The following TDRD3 variants were observed in gnomAD, a reference collection of about 807,000 sequenced individuals.
The protein encoded by TDRD3 is tudor domain containing 3.
Under a neutral mutation model 86.7 loss-of-function variants are expected in TDRD3, and 45 were observed. The observed-to-expected ratio is 0.52, with a 90% CI of 0.41 to 0.67. The LOEUF (loss-of-function observed/expected upper bound fraction) is 0.67, where lower values mean the gene tolerates loss of function less well. Ranked by LOEUF, TDRD3 falls within the 30% of genes least tolerant of loss-of-function variation. TDRD3 has a pLI of 0.00. For missense variants in TDRD3, 814 were observed against 889.0 expected, an observed-to-expected ratio of 0.92 and a Z score of 1.07; for synonymous variants, 298 against 301.7, an observed-to-expected ratio of 0.99 and a Z score of 0.13.
At chr13:60,405,676 A>C (rs1057194866) in intron 1 of TDRD3, among the ~76,000 whole-genome samples, 2 of 152,156 alleles carry the variant, frequency 1.3e-5, no homozygotes, top group African/African-American at 2.4e-5. Flanking sequence ...TGGAATTAGG[A>C]GCTACCTAGG....
intron 10 of TDRD3, among the ~76,000 whole-genome samples, chr13:60,521,174 A>C (rs1248136047): frequency 7.9e-5 from 12 of 152,224 alleles, no homozygotes; most frequent in Admixed American, 7.9e-4. Flanking sequence ...GCTTTGCTGC[A>C]AACTTCTCCT....
rs1189704851 is a variant in TDRD3, at chr13:60,524,514, AAAAT to A, written c.1142-3837_1142-3834del. The stretch of plus-strand genomic sequence containing the variant: ...AGAGTGAGGCTCCATCTCAAAAAAA[AAAAT>A]AAATAAATAAATAAAAAAAGAGAAA... On this transcript the variant is annotated intron_variant, in intron 10 of 13. Transcript: ENST00000377881. Among the ~76,000 whole-genome samples the A allele has an allele frequency of 1.1e-4, 17 of 151,828 alleles. No individual in the cohort carries two copies. In the East Asian group the frequency reaches 2.7e-3, roughly 24 times the overall value.
chr13:60,437,418 G>A (rs1433088467), intron 1 of TDRD3, among the ~76,000 whole-genome samples: 1 of 151,890 alleles, frequency 6.6e-6, no homozygotes, highest in East Asian at 1.9e-4. Flanking sequence ...GAGCCACTGT[G>A]CCCAGCTGAA....
intron 3 of TDRD3, among the ~76,000 whole-genome samples, chr13:60,447,115 C>T (rs1395544819): frequency 1.3e-5 from 2 of 152,130 alleles, no homozygotes; most frequent in Non-Finnish European, 2.9e-5. Context: ...AAAGAAAGAG[C>T]TGGGTTATCC....
chr13:60,521,051 A>G (rs1284277635), intron 10 of TDRD3, among the ~76,000 whole-genome samples: 1 of 152,246 alleles, frequency 6.6e-6, no homozygotes, highest in East Asian at 1.9e-4. Context: ...ATTTGGTCTC[A>G]AGCTCAGTGT....
At chr13:60,554,775 G>A (rs1013652221) in intron 12 of TDRD3, among the ~76,000 whole-genome samples, 16 of 152,142 alleles carry the variant, frequency 1.1e-4, no homozygotes, top group Admixed American at 6.6e-4. Context: ...TATTTGATAT[G>A]ATCATACATT....
At chr13:60,417,536 T>C (rs1954554412) in intron 1 of TDRD3, among the ~76,000 whole-genome samples, 1 of 151,786 alleles carries the variant, frequency 6.6e-6, no homozygotes, top group South Asian at 2.1e-4. Flanking sequence ...GAGATGGAGT[T>C]TCACCATGTT....
At chr13:60,464,449 A>T (rs1955870881) in intron 4 of TDRD3, among the ~76,000 whole-genome samples, 1 of 152,044 alleles carries the variant, frequency 6.6e-6, no homozygotes, top group African/African-American at 2.4e-5. Context: ...AAGCATCTGC[A>T]CTCCCATTTT....
chr13:60,494,014 T>C (rs1367689642), intron 7 of TDRD3, among the ~76,000 whole-genome samples: 1 of 152,228 alleles, frequency 6.6e-6, no homozygotes, highest in East Asian at 1.9e-4. Context: ...GATTATGCAA[T>C]CATAATACTG....
At chr13:60,454,518 CTT>C (rs1402292362) in intron 3 of TDRD3, among the ~76,000 whole-genome samples, 7 of 151,942 alleles carry the variant, frequency 4.6e-5, no homozygotes, top group Admixed American at 3.3e-4. Context: ...ATCAGAAATG[CTT>C]TTTTGTTTTG....
At chr13:60,509,593 A>G in intron 8 of TDRD3, 170 bp from the exon 9 acceptor site, 1 of 793,310 alleles carries the variant, frequency 1.3e-6, no homozygotes, top group Non-Finnish European at 2.0e-6. Context: ...CATATCATAC[A>G]GATTCTTCCT....
intron 2 of TDRD3, 33 bp downstream of exon 2, chr13:60,439,805 A>C: frequency 7.1e-7 from 1 of 1,400,860 alleles, no homozygotes. Flanking sequence ...TAAACATTTG[A>C]AATCTGGAAG....
intron 8 of TDRD3, among the ~76,000 whole-genome samples, chr13:60,501,631 T>C (rs1332007666): frequency 1.3e-5 from 2 of 152,206 alleles, no homozygotes; most frequent in Non-Finnish European, 1.5e-5. Flanking sequence ...CAAAGATTCT[T>C]TTTAGGACAA....
At chr13:60,511,540 A>G (rs1957060534) in intron 10 of TDRD3, among the ~76,000 whole-genome samples, 2 of 152,244 alleles carry the variant, frequency 1.3e-5, no homozygotes, top group African/African-American at 4.8e-5. Flanking sequence ...GTAACAAATT[A>G]CCACAAAGTC....
intron 8 of TDRD3, among the ~76,000 whole-genome samples, chr13:60,504,662 G>A (rs1352717250): frequency 6.6e-6 from 1 of 152,184 alleles, no homozygotes; most frequent in Non-Finnish European, 1.5e-5. Context: ...TGGCTGAATA[G>A]GAACAGCTCC....
intron 5 of TDRD3, among the ~76,000 whole-genome samples, chr13:60,472,112 G>A (rs528948198): frequency 3.9e-5 from 6 of 152,146 alleles, no homozygotes; most frequent in South Asian, 2.1e-4. Context: ...CTTCCTCTGC[G>A]TCAATTGAGA....
At chr13:60,529,307 A>G in intron 11 of TDRD3, 90 bp downstream of exon 11, 1 of 1,375,826 alleles carries the variant, frequency 7.3e-7, no homozygotes, top group Non-Finnish European at 9.7e-7. Flanking sequence ...TGGAACTATG[A>G]GTCTTTTTCT....
chr13:60,564,107 T>C (rs1958397481), intron 12 of TDRD3, among the ~76,000 whole-genome samples: 1 of 152,196 alleles, frequency 6.6e-6, no homozygotes, highest in Non-Finnish European at 1.5e-5. Flanking sequence ...TCATATTGAG[T>C]ATTAGTTATT....
At position 60,509,920 on chromosome 13, in the gene TDRD3, G is replaced by T; in HGVS notation, c.1015+1G>T. ...CCTGTTATGGGTCCTCCTCTGAGAG[G>T]TATAATTTATTAAGCAGTGTGCCAG... On this transcript the variant is annotated splice_donor_variant, in intron 9 of 13. Transcript: ENST00000377881. LOFTEE classifies it high-confidence loss of function. The T allele has an allele frequency of 6.2e-7, 1 of 1,612,586 alleles. No homozygotes were observed. Among genetic ancestry groups the T allele is most frequent in the Non-Finnish European group, 8.5e-7 (1 of 1,179,234 alleles).
Sources: allele counts gnomAD v4.1 joint callset (sites outside exome capture counted in the v4.1 genomes callset), GRCh38; gene constraint gnomAD v4.1.1; transcripts MANE v1.5; gene names NCBI Gene and HGNC (gene_info 2026-07-23, HGNC 2026-07-21).